ASTN2: variants seen among roughly 807,000 people sequenced by gnomAD.
ASTN2 encodes the protein astrotactin 2.
Under a neutral mutation model 139.8 loss-of-function variants are expected in ASTN2, and 54 were observed. The ratio of observed to expected loss-of-function variants is 0.39; its 90% confidence interval spans 0.31 to 0.48. The LOEUF (loss-of-function observed/expected upper bound fraction) is 0.48, where lower values mean the gene tolerates loss of function less well. ASTN2 is among the 20% of genes least tolerant of loss of function. The probability of loss-of-function intolerance (pLI) is 0.95; values close to 1 mark genes in which losing one functional copy is unlikely to be tolerated. For missense variants in ASTN2, 1,565 were observed against 1,725.1 expected (o/e 0.91, Z 1.64); for synonymous variants, 756 against 719.5 (o/e 1.05, Z -0.81).
chr9:116,632,158 C>A (rs4836792), intron 17 of ASTN2, among the ~76,000 whole-genome samples: 14 of 38,092 alleles, frequency 3.7e-4, no homozygotes, highest in African/African-American at 1.1e-3. Flanking sequence ...GAGAGAGAGA[C>A]AGAGAGAGAG....
intron 16 of ASTN2, among the ~76,000 whole-genome samples, chr9:116,658,778 G>GGGA (rs1351547456): frequency 2.1e-5 from 3 of 140,308 alleles, no homozygotes; most frequent in Non-Finnish European, 3.0e-5. Context: ...GTGAAAGAAG[G>GGGA]GGAAGAAGAG....
chr9:116,607,589 A>T (rs1192592913), intron 19 of ASTN2, among the ~76,000 whole-genome samples: 1 of 151,956 alleles, frequency 6.6e-6, no homozygotes, highest in East Asian at 1.9e-4. Flanking sequence ...ATAAAGAAGA[A>T]TCTTGGATTT....
At chr9:116,619,577 G>A in intron 18 of ASTN2, among the ~76,000 whole-genome samples, 1 of 151,924 alleles carries the variant, frequency 6.6e-6, no homozygotes, top group East Asian at 1.9e-4. Context: ...GGGCTGTAGT[G>A]CAGTGGTGAA....
At chr9:117,243,394 C>G (rs1280468353) in intron 2 of ASTN2, among the ~76,000 whole-genome samples, 2 of 152,210 alleles carry the variant, frequency 1.3e-5, no homozygotes, top group Non-Finnish European at 2.9e-5. Context: ...AGCAATTAAG[C>G]TGGTCTCAAG....
At chr9:116,914,540 A>T (rs2132425575) in intron 10 of ASTN2, among the ~76,000 whole-genome samples, 1 of 139,870 alleles carries the variant, frequency 7.1e-6, no homozygotes, top group Admixed American at 7.1e-5. Context: ...CAGACACTGT[A>T]AAGTGTTTTA....
chr9:116,891,029 C>T (rs1332226258), intron 10 of ASTN2, among the ~76,000 whole-genome samples: 1 of 152,088 alleles, frequency 6.6e-6, no homozygotes, highest in Admixed American at 6.5e-5. Context: ...CCAGGGCCTC[C>T]AGGAGTCATC....
intron 7 of ASTN2, among the ~76,000 whole-genome samples, chr9:117,002,420 G>A (rs1360990925): frequency 6.6e-6 from 1 of 152,192 alleles, no homozygotes; most frequent in Non-Finnish European, 1.5e-5. Context: ...ACATGGGAAT[G>A]TTTGGGGAAT....
chr9:116,564,813 C>T (rs1393503409), intron 19 of ASTN2, among the ~76,000 whole-genome samples: 1 of 151,948 alleles, frequency 6.6e-6, no homozygotes, highest in Admixed American at 6.6e-5. Context: ...TTAATTTACT[C>T]AAATATTTCT....
At chr9:116,555,717 G>C (rs533216975) in intron 19 of ASTN2, among the ~76,000 whole-genome samples, 1 of 152,152 alleles carries the variant, frequency 6.6e-6, no homozygotes, top group African/African-American at 2.4e-5. Flanking sequence ...ACAATAAATG[G>C]GGTCAGCTGA....
chr9:117,311,270 G>A (rs1335799766), intron 1 of ASTN2, among the ~76,000 whole-genome samples: 1 of 150,594 alleles, frequency 6.6e-6, no homozygotes, highest in Non-Finnish European at 1.5e-5. Flanking sequence ...AAGACATGAG[G>A]AAGATGACAG....
chr9:117,101,928 C>T (rs1828988398), intron 4 of ASTN2, among the ~76,000 whole-genome samples: 1 of 152,248 alleles, frequency 6.6e-6, no homozygotes, highest in East Asian at 1.9e-4. Context: ...TACATTGCTG[C>T]TGGATATGCA....
At chr9:116,474,836 GC>G (rs954940171) in intron 20 of ASTN2, among the ~76,000 whole-genome samples, 5 of 152,238 alleles carry the variant, frequency 3.3e-5, no homozygotes, top group Non-Finnish European at 7.3e-5. Context: ...TGGGCATGCA[GC>G]CTAGGTGGGG....
At chr9:117,318,947 C>T (rs1260770537) in intron 1 of ASTN2, among the ~76,000 whole-genome samples, 1 of 152,184 alleles carries the variant, frequency 6.6e-6, no homozygotes. Flanking sequence ...GGGCGAGTTT[C>T]AACTAGTCAC....
At chr9:116,459,936 A>C (rs1848437085) in intron 20 of ASTN2, among the ~76,000 whole-genome samples, 1 of 152,156 alleles carries the variant, frequency 6.6e-6, no homozygotes, top group Non-Finnish European at 1.5e-5. Context: ...GTATCTCCAC[A>C]GAAAGACTTG....
At chr9:117,379,727 C>T (rs943490176) in intron 1 of ASTN2, among the ~76,000 whole-genome samples, 5 of 152,034 alleles carry the variant, frequency 3.3e-5, no homozygotes, top group South Asian at 2.1e-4. Context: ...TTACTTAAAA[C>T]GAGAGAGAAA....
At chr9:116,801,595 A>T (rs1278949614) in intron 13 of ASTN2, among the ~76,000 whole-genome samples, 1 of 148,518 alleles carries the variant, frequency 6.7e-6, no homozygotes, top group African/African-American at 2.5e-5. Context: ...CAAAAAAAAA[A>T]AAAAAAAAAA....
chr9:116,651,678 C>T lies in ASTN2; in HGVS notation c.2922G>A (p.Glu974=), dbSNP rs767624413. The change falls in exon 17 of 23, where the codon GAG becomes GAA. Residue 974 remains glutamate, a synonymous_variant. Transcript: ENST00000313400. ...LSDDQLISGV[E]IRCEEKGRCP... ...AGCGCCCCTTCTCCTCACAGCGAAT[C>T]TCCACACCTGAAATGAGCTGGTCAT... is the stretch of plus-strand genomic sequence containing the variant. 6 of 1,614,184 alleles carry T rather than the reference C, an allele frequency of 3.7e-6. No homozygotes were observed. Among genetic ancestry groups the T allele is most frequent in the Non-Finnish European group, 5.1e-6 (6 of 1,180,044 alleles).
Position 116,975,328 on chromosome 9 carries a change from C to T in ASTN2, c.1769G>A (p.Gly590Asp). ...EKILRSTFSL[G>D]QGLWLPVSKS... ...GCTGACAGGAAGCCAGAGGCCTTGGCCCAAGCTGAAAGTAGACCTGCAATG... is the reference window on the plus strand; with the variant it reads ...GCTGACAGGAAGCCAGAGGCCTTGGTCCAAGCTGAAAGTAGACCTGCAATG... Residue 590 changes from glycine (G) to aspartate (D), a missense_variant, in exon 10 of 23, where the codon GGC becomes GAC. Transcript: ENST00000313400. The T allele has an allele frequency of 6.2e-7, 1 of 1,610,230 alleles. No individual in the cohort carries two copies. The highest frequency in any genetic ancestry group is 8.5e-7 in the Non-Finnish European group (1 of 1,178,232).
chr9:117,342,456 C>T (rs145219447), intron 1 of ASTN2, among the ~76,000 whole-genome samples: 202 of 152,290 alleles, frequency 1.3e-3, no homozygotes, highest in African/African-American at 4.3e-3. Context: ...AGCAGTGAAT[C>T]GGAGTTTCCC....
Sources: gnomAD v4.1 joint callset for allele counts (sites outside exome capture counted in the v4.1 genomes callset) on GRCh38, gnomAD v4.1.1 for gene constraint, MANE v1.5 for transcripts, NCBI Gene and HGNC (gene_info 2026-07-23, HGNC 2026-07-21) for gene names.